The following ATP8A2 variants were observed in gnomAD, a reference collection of about 807,000 sequenced individuals.
The protein encoded by ATP8A2 is ATPase phospholipid transporting 8A2.
A neutral mutation model predicts 165.6 loss-of-function variants in ATP8A2; 100 were observed. That is an observed-to-expected ratio of 0.60 (90% confidence interval 0.51 to 0.71). The LOEUF is 0.71. Among genes scored for constraint, ATP8A2 ranks in the 30% least tolerant of loss-of-function variants. ATP8A2 has a pLI of 0.00. For missense variants in ATP8A2, 1,227 were observed against 1,479.5 expected (o/e 0.83, Z 2.80); for synonymous variants, 543 against 548.8 (o/e 0.99, Z 0.15).
In ATP8A2 at chr13:25,787,972, T is replaced by A. The variant is rs115042512; in HGVS notation, c.2679+13013T>A. 8.7e-4 allele frequency among the ~76,000 whole-genome samples: 132 copies of A among 152,306 alleles called. 1 individual carries two copies. The highest frequency in any genetic ancestry group is 2.8e-3 in the African/African-American group (117 of 41,580). On this transcript the variant is annotated intron_variant, in intron 27 of 36. Coordinates refer to ENST00000381655, the MANE Select transcript of ATP8A2 (RefSeq NM_016529.6). ...GCCAGCCCTTTCTGCACAGAAGAAA[T>A]GCCAGGACCCACAGACATGGCTTTC...
chr13:25,617,742 T>C (rs2040863313), intron 24 of ATP8A2, among the ~76,000 whole-genome samples: 1 of 152,184 alleles, frequency 6.6e-6, no homozygotes, highest in Non-Finnish European at 1.5e-5. Context: ...TTCCATGGTA[T>C]TTCTTTATTA....
intron 33 of ATP8A2, among the ~76,000 whole-genome samples, chr13:25,878,833 A>G (rs1169434731): frequency 6.6e-6 from 1 of 152,052 alleles, no homozygotes; most frequent in Non-Finnish European, 1.5e-5. Flanking sequence ...ACTCACGTCC[A>G]TCACCACTTC....
intron 2 of ATP8A2, among the ~76,000 whole-genome samples, chr13:25,478,074 A>G (rs925178142): frequency 6.6e-6 from 1 of 152,202 alleles, no homozygotes. Context: ...TTAATTGGAA[A>G]CATACATGAT....
At chr13:25,478,855 C>CT (rs5802337) in intron 2 of ATP8A2, among the ~76,000 whole-genome samples, 145,049 of 149,330 alleles carry the variant, frequency 0.97, 70,469 homozygotes, top group South Asian at 0.99. Flanking sequence ...ATTTGTAACA[C>CT]TTTTTTTTTT....
In ATP8A2 at chr13:25,710,136, T is replaced by C. The variant is rs572993109; in HGVS notation, c.2384+10791T>C. Among the ~76,000 whole-genome samples, 4 of 152,290 alleles carry C rather than the reference T, an allele frequency of 2.6e-5. No homozygotes were observed. The South Asian group carries it at 8.3e-4, about 32-fold the overall frequency. On this transcript the variant is annotated intron_variant, in intron 25 of 36. Coordinates refer to ENST00000381655, the MANE Select transcript of ATP8A2 (RefSeq NM_016529.6). ...TTTTTTTTAATTTTTAATTTTAAAG[T>C]ATGGATACGTACTAATTGTACATAT...
chr13:25,694,981 T>G (rs1221988746), intron 24 of ATP8A2, among the ~76,000 whole-genome samples: 1 of 152,176 alleles, frequency 6.6e-6, no homozygotes, highest in Non-Finnish European at 1.5e-5. Flanking sequence ...GACTGGCTTC[T>G]TTGTTTTTAA....
intron 12 of ATP8A2, 95 bp from the exon 13 acceptor site, chr13:25,554,896 A>T (rs986212436): frequency 2.5e-6 from 2 of 814,796 alleles, no homozygotes; most frequent in Non-Finnish European, 3.9e-6. Context: ...AGGGTTTTAG[A>T]TTACCCATTC....
intron 35 of ATP8A2, among the ~76,000 whole-genome samples, chr13:25,973,182 G>C (rs770571575): frequency 4.6e-5 from 7 of 152,206 alleles, no homozygotes; most frequent in Non-Finnish European, 1.0e-4. Context: ...TTCCCTGGGT[G>C]TAGCTTACGC....
chr13:25,642,195 G>A (rs2041543926), intron 24 of ATP8A2, among the ~76,000 whole-genome samples: 1 of 152,118 alleles, frequency 6.6e-6, no homozygotes, highest in Non-Finnish European at 1.5e-5. Flanking sequence ...GCATGGGCAA[G>A]GACTTCATGT....
At chr13:25,681,742 G>C (rs2042492879) in intron 24 of ATP8A2, among the ~76,000 whole-genome samples, 1 of 152,186 alleles carries the variant, frequency 6.6e-6, no homozygotes, top group African/African-American at 2.4e-5. Flanking sequence ...AAACAAAACA[G>C]ACAACTCTTT....
Position 25,483,502 on chromosome 13 carries a change from A to G in ATP8A2, c.221+14381A>G, listed in dbSNP as rs551348636. ...CACTGGCGCTCTTGGAGAGACACCAAACTTTTGACAGATCTTTCCCTACCT... is the reference window on the plus strand; with the variant it reads ...CACTGGCGCTCTTGGAGAGACACCAGACTTTTGACAGATCTTTCCCTACCT... On this transcript the variant is annotated intron_variant, in intron 2 of 36. Coordinates refer to ENST00000381655, the MANE Select transcript of ATP8A2 (RefSeq NM_016529.6). 1.1e-4 allele frequency among the ~76,000 whole-genome samples: 17 copies of G among 151,998 alleles called. No homozygotes were observed. The South Asian group carries it at 3.1e-3, about 28-fold the overall frequency.
intron 1 of ATP8A2, among the ~76,000 whole-genome samples, chr13:25,408,125 T>G (rs2033861460): frequency 6.6e-6 from 1 of 151,562 alleles, no homozygotes; most frequent in Non-Finnish European, 1.5e-5. Flanking sequence ...CTGGGTGCAG[T>G]GGCTCATGCC....
chr13:25,793,649 G>T (rs1442645716), intron 27 of ATP8A2, among the ~76,000 whole-genome samples: 1 of 81,216 alleles, frequency 1.2e-5, no homozygotes, highest in Admixed American at 1.6e-4. Context: ...GCTTTCTCAG[G>T]GGAGACTTAG....
chr13:25,817,261 G>A (rs150172989), intron 27 of ATP8A2, among the ~76,000 whole-genome samples: 1,599 of 151,862 alleles, frequency 0.011, 8 homozygotes, highest in Middle Eastern at 0.031. Flanking sequence ...ACACAATTTG[G>A]AGCGATTATG....
intron 24 of ATP8A2, among the ~76,000 whole-genome samples, chr13:25,638,042 G>A (rs1426109859): frequency 6.6e-6 from 1 of 152,148 alleles, no homozygotes; most frequent in Non-Finnish European, 1.5e-5. Context: ...CTGCAGCTGA[G>A]GGTCCTGACT....
At chr13:25,849,685 C>A (rs748685420) in intron 30 of ATP8A2, among the ~76,000 whole-genome samples, 2 of 152,148 alleles carry the variant, frequency 1.3e-5, no homozygotes, top group Non-Finnish European at 2.9e-5. Flanking sequence ...GACTATGTTT[C>A]CAGACCTAAT....
At chr13:25,532,627 A>C (rs576009720) in intron 5 of ATP8A2, among the ~76,000 whole-genome samples, 1 of 152,118 alleles carries the variant, frequency 6.6e-6, no homozygotes, top group East Asian at 1.9e-4. Context: ...TCCCTCTTCT[A>C]CTTTTTATTG....
chr13:25,449,223 C>A (rs1566140806), intron 1 of ATP8A2, among the ~76,000 whole-genome samples: 1 of 151,816 alleles, frequency 6.6e-6, no homozygotes, highest in South Asian at 2.1e-4. Flanking sequence ...TATTTTAGAC[C>A]TTTCTATTTT....
In ATP8A2 at chr13:25,746,716, G is replaced by A. The variant is rs77154345; in HGVS notation, c.2385-22330G>A. Among the ~76,000 whole-genome samples the A allele has an allele frequency of 5.6e-3, 853 of 152,256 alleles. 12 individuals are homozygous for A. The highest frequency in any genetic ancestry group is 0.02 in the African/African-American group (811 of 41,538). Reference sequence around the variant, plus strand: ...GCCCCAGCAGCAATAACAATGCCTCGTCTCAAGAGCTAAAAATCTGTTGAT... The same window carrying A: ...GCCCCAGCAGCAATAACAATGCCTCATCTCAAGAGCTAAAAATCTGTTGAT... On this transcript the variant is annotated intron_variant, in intron 25 of 36. Coordinates refer to ENST00000381655, the MANE Select transcript of ATP8A2 (RefSeq NM_016529.6).
Sources: allele counts gnomAD v4.1 joint callset (sites outside exome capture counted in the v4.1 genomes callset), GRCh38; gene constraint gnomAD v4.1.1; transcripts MANE v1.5; gene names NCBI Gene and HGNC (gene_info 2026-07-23, HGNC 2026-07-21).